Variants in SOCS6 observed in about 807,000 individuals in gnomAD.
SOCS6 encodes the protein suppressor of cytokine signaling 6, also known as STAT induced STAT inhibitor-4.
Under a neutral mutation model 27.7 loss-of-function variants are expected in SOCS6, and 5 were observed. The observed-to-expected ratio is 0.18, with a 90% CI of 0.09 to 0.38. The LOEUF (loss-of-function observed/expected upper bound fraction) is 0.38. Among genes scored for constraint, SOCS6 ranks in the 10% least tolerant of loss-of-function variants. The probability of loss-of-function intolerance (pLI) is 1.00; values close to 1 mark genes in which losing one functional copy is unlikely to be tolerated. For missense variants in SOCS6, 595 were observed against 688.1 expected, an observed-to-expected ratio of 0.86 and a Z score of 1.51; for synonymous variants, 271 against 260.0, an observed-to-expected ratio of 1.04 and a Z score of -0.41.
chr18:70,305,845 T>C (rs2062366973), intron 1 of SOCS6, among the ~76,000 whole-genome samples: 1 of 152,110 alleles, frequency 6.6e-6, no homozygotes, highest in Non-Finnish European at 1.5e-5. Context: ...TTTGGTGTGC[T>C]AGTCGTTTTA....
intron 1 of SOCS6, among the ~76,000 whole-genome samples, chr18:70,305,898 T>G (rs976431981): frequency 1.3e-5 from 2 of 151,046 alleles, no homozygotes; most frequent in South Asian, 2.1e-4. Context: ...TGTGTGGGGG[T>G]GTGTGTGTGT....
At chr18:70,321,586 T>C (rs1227077874) in intron 1 of SOCS6, among the ~76,000 whole-genome samples, 1 of 149,718 alleles carries the variant, frequency 6.7e-6, no homozygotes, top group Non-Finnish European at 1.5e-5. Context: ...CGCCTCGGCC[T>C]CCCAAAGTGC....
At chr18:70,318,271 A>G (rs750949173) in intron 1 of SOCS6, among the ~76,000 whole-genome samples, 7 of 152,144 alleles carry the variant, frequency 4.6e-5, no homozygotes, top group African/African-American at 9.7e-5. Context: ...TTCTAAATCA[A>G]TTTGCACTAT....
intron 1 of SOCS6, among the ~76,000 whole-genome samples, chr18:70,317,501 T>C (rs144522139): frequency 7.5e-6 from 1 of 133,060 alleles, no homozygotes; most frequent in Admixed American, 7.5e-5. Context: ...TACACATATA[T>C]ACATACATAT....
chr18:70,319,750 C>T (rs950026539), intron 1 of SOCS6, among the ~76,000 whole-genome samples: 97 of 152,192 alleles, frequency 6.4e-4, no homozygotes, highest in African/African-American at 2.2e-3. Context: ...TTCAAAGACA[C>T]TTTCCAGTAC....
chr18:70,305,744 G>A (rs2062366565), intron 1 of SOCS6, among the ~76,000 whole-genome samples: 1 of 152,142 alleles, frequency 6.6e-6, no homozygotes, highest in Non-Finnish European at 1.5e-5. Context: ...GTGTTTTGTA[G>A]TTTTGACTGT....
rs1463326193 is a variant in SOCS6 at position 70,329,921 on chromosome 18, G to C, written c.*3645G>C. The C allele has an allele frequency of 6.0e-6, 1 of 166,982 alleles. No homozygotes were observed. Among genetic ancestry groups the C allele is most frequent in the East Asian group, 1.9e-4 (1 of 5,190 alleles). 10.3% of individuals were successfully genotyped at this position (166,982 alleles called of 1,614,324 possible). On this transcript the variant is annotated 3_prime_UTR_variant, in exon 2 of 2. Transcript: ENST00000397942. ...TTTGTAACAAGTATTTACATGTTGG[G>C]TGAAAGAAATTTCATAGTCGTTGGA...
intron 1 of SOCS6, among the ~76,000 whole-genome samples, chr18:70,294,596 A>G (rs545293455): frequency 3.3e-4 from 51 of 152,372 alleles, no homozygotes; most frequent in Non-Finnish European, 6.9e-4. Flanking sequence ...TTGTTAAGGA[A>G]GCCTAATGTG....
intron 1 of SOCS6, among the ~76,000 whole-genome samples, chr18:70,297,145 C>T (rs75743052): frequency 0.055 from 8,423 of 152,130 alleles, 360 homozygotes; most frequent in Non-Finnish European, 0.077. Context: ...TAGCATCCGC[C>T]TCTCAGTTCA....
Position 70,326,463 on chromosome 18 carries a change from T to A in SOCS6, c.*187T>A, listed in dbSNP as rs1259897953. 1 of 586,932 alleles carries A rather than the reference T, an allele frequency of 1.7e-6. No homozygotes were observed. The highest frequency in any genetic ancestry group is 3.0e-6 in the Non-Finnish European group (1 of 328,990). The allele number at this position is 586,932 out of a possible 1,614,324, so 36.4% of individuals were successfully genotyped here. On this transcript the variant is annotated 3_prime_UTR_variant, in exon 2 of 2. Coordinates refer to ENST00000397942, the MANE Select transcript of SOCS6 (RefSeq NM_004232.4). ...AGGTGTCTTGGGTTTATTTTGGTTC[T>A]TTAAAAAAGGGAAGTCTTGAGGTTT...
At chr18:70,292,492 G>GC (rs1490639593) in intron 1 of SOCS6, among the ~76,000 whole-genome samples, 1 of 152,158 alleles carries the variant, frequency 6.6e-6, no homozygotes, top group African/African-American at 2.4e-5. Context: ...GACCACAAGT[G>GC]CATGCCACCA....
chr18:70,314,229 C>G (rs1359331984), intron 1 of SOCS6: 2 of 152,116 alleles, frequency 1.3e-5, no homozygotes, highest in African/African-American at 4.8e-5. Context: ...ACACTCCAGC[C>G]TGGGCGACAG....
At chr18:70,292,283 G>C (rs562557439) in intron 1 of SOCS6, among the ~76,000 whole-genome samples, 120 of 152,326 alleles carry the variant, frequency 7.9e-4, no homozygotes, top group African/African-American at 2.8e-3. Context: ...TGGGGCTAAA[G>C]TGGGGACAAT....
rs754071589 is a variant in SOCS6, at chr18:70,326,170, A to T, written c.1502A>T (p.Gln501Leu). The T allele has an allele frequency of 1.9e-5, 31 of 1,614,188 alleles. No homozygotes were observed. Among genetic ancestry groups the T allele is most frequent in the Middle Eastern group, 1.6e-4 (1 of 6,062 alleles). Residue 501 changes from glutamine to leucine, a missense_variant, in exon 2 of 2, where the codon CAG becomes CTG. Gln to Leu is a moderately radical substitution (Grantham distance 113). This residue lies in a region of SOCS6 where 128 missense variants were observed against 207.0 expected (regional missense o/e 0.62). Coordinates refer to ENST00000397942, the MANE Select transcript of SOCS6 (RefSeq NM_004232.4). Reference protein sequence around the residue: ...VSRFMQVRSLQYLCRFVIRQY... With the variant: ...VSRFMQVRSLLYLCRFVIRQY... ...CGGTTCATGCAGGTGCGCTCGTTGC[A>T]GTACCTGTGTCGTTTTGTTATACGT...
At chr18:70,309,867 G>T (rs2062383503) in intron 1 of SOCS6, among the ~76,000 whole-genome samples, 1 of 152,116 alleles carries the variant, frequency 6.6e-6, no homozygotes, top group African/African-American at 2.4e-5. Flanking sequence ...TGTGTTTTTA[G>T]TAGAGACAGG....
At chr18:70,313,137 T>G (rs2062397316) in intron 1 of SOCS6, among the ~76,000 whole-genome samples, 1 of 152,192 alleles carries the variant, frequency 6.6e-6, no homozygotes, top group African/African-American at 2.4e-5. Flanking sequence ...ATTGGCCGCT[T>G]GAATTTGTGT....
At chr18:70,301,986 G>A (rs1000781701) in intron 1 of SOCS6, among the ~76,000 whole-genome samples, 6 of 152,190 alleles carry the variant, frequency 3.9e-5, no homozygotes, top group African/African-American at 9.7e-5. Context: ...GAGAGGAATC[G>A]TGGGCATCAG....
intron 1 of SOCS6, among the ~76,000 whole-genome samples, chr18:70,296,223 T>C (rs1201418425): frequency 6.6e-6 from 1 of 152,182 alleles, no homozygotes; most frequent in African/African-American, 2.4e-5. Flanking sequence ...AGAAAATGTC[T>C]ATGTTCTAAG....
At position 70,325,498 on chromosome 18, in the gene SOCS6, C is replaced by G; in HGVS notation, c.830C>G (p.Pro277Arg). 1.9e-6 allele frequency: 3 copies of G among 1,614,126 alleles called. 1 individual carries two copies. The Middle Eastern group carries it at 4.9e-4, about 266-fold the overall frequency. The change falls in exon 2 of 2, where the codon CCA (proline) becomes CGA (arginine). Residue 277 changes from proline (P) to arginine (R), a missense_variant. Around this residue, in one of 2 missense-constraint regions of SOCS6, gnomAD observed 467 missense variants for 481.1 expected, o/e 0.97. Coordinates refer to ENST00000397942, the MANE Select transcript of SOCS6 (RefSeq NM_004232.4). The surrounding 1 kb of genome is among the most constrained non-coding windows in gnomAD (Gnocchi z 6.3). ...SQVDQDLVVAPEIFVDQSVNG... is the reference protein window; with the variant it reads ...SQVDQDLVVAREIFVDQSVNG... ...GTAGACCAGGACCTAGTTGTCGCCC[C>G]AGAGATCTTCGTGGATCAGTCCGTG...
Sources: allele counts gnomAD v4.1 joint callset (sites outside exome capture counted in the v4.1 genomes callset), GRCh38; gene constraint gnomAD v4.1.1; regional missense constraint gnomAD v4.1.1; non-coding constraint Gnocchi (gnomAD v3.1); transcripts MANE v1.5; gene names NCBI Gene and HGNC (gene_info 2026-07-23, HGNC 2026-07-21).